PDE1C: variants seen among roughly 807,000 people sequenced by gnomAD.
PDE1C encodes the protein dual specificity calcium/calmodulin-dependent 3',5'-cyclic nucleotide phosphodiesterase 1C.
In PDE1C, 62 loss-of-function variants were observed where a neutral mutation model predicts 93.1. The ratio of observed to expected loss-of-function variants is 0.67; its 90% CI spans 0.54 to 0.82. The LOEUF (loss-of-function observed/expected upper bound fraction) is 0.82, where lower values mean the gene tolerates loss of function less well. Among genes scored for constraint, PDE1C ranks in the 40% least tolerant of loss-of-function variants. The probability of loss-of-function intolerance (pLI) is 0.00; values close to 1 mark genes in which losing one functional copy is unlikely to be tolerated. For synonymous variants in PDE1C, 325 were observed against 310.1 expected, an observed-to-expected ratio of 1.05 and a Z score of -0.50; for missense variants, 742 against 884.6, an observed-to-expected ratio of 0.84 and a Z score of 2.04.
chr7:31,628,745 C>G, the PDE1C span, among the ~76,000 whole-genome samples: 2 of 152,226 alleles, frequency 1.3e-5, no homozygotes, highest in South Asian at 2.1e-4. Flanking sequence ...CTTGAGCCAC[C>G]GCGCCCGGCC....
rs978577993 is a variant in PDE1C, at chr7:32,077,923, C to T, written c.308+91862G>A. ...TCCAAGAAGTCTGCCAGCTTCCCTC[C>T]GGCTGGTCTGCTCTCCTCCAGCTAG... is the stretch of plus-strand genomic sequence containing the variant. On this transcript the variant is annotated intron_variant, in intron 3 of 18. Transcript: ENST00000396193. The T allele has an allele frequency of 2.2e-5, 22 of 985,238 alleles. 1 individual carries two copies. The highest frequency in any genetic ancestry group is 1.2e-4 in the Admixed American group (2 of 16,258). 61.0% of individuals were successfully genotyped at this position (985,238 alleles called of 1,614,324 possible). A position where few individuals can be genotyped will look rare whatever the true frequency, so the allele number is the denominator to read the frequency against.
At chr7:31,921,953 AT>A (rs2128960241) in intron 2 of PDE1C, among the ~76,000 whole-genome samples, 1 of 152,174 alleles carries the variant, frequency 6.6e-6, no homozygotes, top group South Asian at 2.1e-4. Context: ...ACGTATTTGT[AT>A]CCATTCTATA....
chr7:32,338,952 G>A lies in PDE1C; in HGVS notation c.310+88870C>T, dbSNP rs181727002. Among the ~76,000 whole-genome samples the A allele has an allele frequency of 3.0e-3, 450 of 151,740 alleles. 3 individuals carry two copies. The highest frequency in any genetic ancestry group is 0.02 in the East Asian group (103 of 5,144). On this transcript the variant is annotated intron_variant, in intron 1 of 1. Coordinates refer to the PDE1C transcript ENST00000672256. ...TGGGAGGTGGAGCTTGCAGTGACCC[G>A]AGATCGTGCCACTGCACTCCAGCCT...
intron 2 of PDE1C, among the ~76,000 whole-genome samples, chr7:31,917,109 A>T (rs981264537): frequency 2.0e-5 from 3 of 152,094 alleles, no homozygotes; most frequent in African/African-American, 7.2e-5. Flanking sequence ...TATACCTCCT[A>T]TCCAGCCACA....
chr7:32,057,594 G>A (rs1443414026), intron 1 of PDE1C, among the ~76,000 whole-genome samples: 1 of 152,222 alleles, frequency 6.6e-6, no homozygotes, highest in Non-Finnish European at 1.5e-5. Context: ...TAAAGTGGAA[G>A]CTTCTAGACC....
At chr7:32,192,062 C>T (rs55661693) in intron 2 of PDE1C, among the ~76,000 whole-genome samples, 103,963 of 151,984 alleles carry the variant, frequency 0.68, 35,808 homozygotes, top group African/African-American at 0.74. Flanking sequence ...CAAAATGCAT[C>T]GTTTGCTTTT....
chr7:32,205,657 C>T (rs1052232972), intron 2 of PDE1C, among the ~76,000 whole-genome samples: 2 of 152,168 alleles, frequency 1.3e-5, no homozygotes, highest in African/African-American at 2.4e-5. Context: ...TTTGTTCCTT[C>T]CCCCTTTGCA....
intron 16 of PDE1C, chr7:31,788,453 A>G (rs556574045): frequency 6.6e-6 from 1 of 152,280 alleles, no homozygotes; most frequent in East Asian, 1.9e-4. Flanking sequence ...GAGAGAGCTT[A>G]TATCAAATCC....
At chr7:31,702,634 TA>T in the PDE1C span, among the ~76,000 whole-genome samples, 1 of 152,238 alleles carries the variant, frequency 6.6e-6, no homozygotes, top group African/African-American at 2.4e-5. Flanking sequence ...GTATTGTCTT[TA>T]TTCTTCTTGT....
At chr7:32,368,113 A>T (rs564129593) in intron 1 of PDE1C, among the ~76,000 whole-genome samples, 29 of 152,314 alleles carry the variant, frequency 1.9e-4, no homozygotes, top group Non-Finnish European at 3.2e-4. Flanking sequence ...CTCTTATTCA[A>T]CGTAGTACTG....
chr7:32,070,832 G>A (rs933334575), upstream of PDE1C: 2 of 987,188 alleles, frequency 2.0e-6, no homozygotes, highest in Non-Finnish European at 2.4e-6. Flanking sequence ...AGAAGGGAGA[G>A]AAAAGCGGCG....
chr7:32,350,589 T>C lies in PDE1C; in HGVS notation c.310+77233A>G, dbSNP rs1358395740. Among the ~76,000 whole-genome samples, 3 of 986 alleles carry C rather than the reference T, an allele frequency of 3.0e-3. 1 individual carries two copies. The highest frequency in any genetic ancestry group is 0.022 in the Non-Finnish European group (2 of 92). 0.6% of individuals were successfully genotyped at this position (986 alleles called of 152,430 possible). A position where few individuals can be genotyped will look rare whatever the true frequency, so the allele number is the denominator to read the frequency against. ...ATATATATATATATATATATATATATATTTTTTTTTTTTTTTTTATTATAC... is the reference window on the plus strand; with the variant it reads ...ATATATATATATATATATATATATACATTTTTTTTTTTTTTTTTATTATAC... On this transcript the variant is annotated intron_variant, in intron 1 of 1. Transcript: ENST00000672256.
At chr7:31,703,143 A>G in the PDE1C span, among the ~76,000 whole-genome samples, 1 of 152,206 alleles carries the variant, frequency 6.6e-6, no homozygotes, top group African/African-American at 2.4e-5. Context: ...AAGTACATAA[A>G]CTACTTGGCA....
intron 1 of PDE1C, among the ~76,000 whole-genome samples, chr7:32,405,450 C>G (rs1164193544): frequency 2.0e-5 from 3 of 152,038 alleles, no homozygotes; most frequent in Non-Finnish European, 4.4e-5. Flanking sequence ...GGGGTTTCTC[C>G]ATGTTGGTCA....
chr7:32,074,656 C>T (rs1796252538), upstream of PDE1C, among the ~76,000 whole-genome samples: 1 of 152,100 alleles, frequency 6.6e-6, no homozygotes, highest in Admixed American at 6.5e-5. Flanking sequence ...ATGAGGGGAT[C>T]ATTCATGCTG....
chr7:32,073,206 T>C (rs1278045418), upstream of PDE1C, among the ~76,000 whole-genome samples: 3 of 152,126 alleles, frequency 2.0e-5, no homozygotes, highest in Non-Finnish European at 4.4e-5. Context: ...ATTAAGCAAA[T>C]CAGAGAGAAA....
intron 1 of PDE1C, among the ~76,000 whole-genome samples, chr7:32,286,031 G>C (rs1811978792): frequency 6.6e-6 from 1 of 152,116 alleles, no homozygotes; most frequent in Non-Finnish European, 1.5e-5. Flanking sequence ...TCCTATACTT[G>C]CAGGGAGGTC....
intron 2 of PDE1C, among the ~76,000 whole-genome samples, chr7:31,970,882 C>T (rs1007978185): frequency 5.3e-5 from 8 of 152,192 alleles, no homozygotes; most frequent in Admixed American, 3.9e-4. Context: ...GTGGCTCATG[C>T]CTGTAATCCC....
chr7:31,926,193 T>C (rs73308652), intron 2 of PDE1C, among the ~76,000 whole-genome samples: 5,134 of 152,280 alleles, frequency 0.034, 280 homozygotes, highest in African/African-American at 0.12. Context: ...TCATGTATTT[T>C]TCAACTGTGT....
Sources: gnomAD v4.1 joint callset for allele counts (sites outside exome capture counted in the v4.1 genomes callset) on GRCh38, gnomAD v4.1.1 for gene constraint, MANE v1.5 for transcripts, NCBI Gene and HGNC (gene_info 2026-07-23, HGNC 2026-07-21) for gene names.